Variants in DIAPH3 observed in about 807,000 individuals in gnomAD.
DIAPH3 encodes the protein protein diaphanous homolog 3.
A neutral mutation model predicts 144.3 loss-of-function variants in DIAPH3; 117 were observed. The ratio of observed to expected loss-of-function variants is 0.81; its 90% CI spans 0.70 to 0.95. DIAPH3 has a LOEUF of 0.95. Among genes scored for constraint, DIAPH3 ranks in the 40% least tolerant of loss-of-function variants. The probability of loss-of-function intolerance (pLI) is 0.00; values close to 1 mark genes in which losing one functional copy is unlikely to be tolerated. For synonymous variants in DIAPH3, 519 were observed against 488.9 expected, an observed-to-expected ratio of 1.06 and a Z score of -0.81; for missense variants, 1,421 against 1,412.7, an observed-to-expected ratio of 1.01 and a Z score of -0.09.
intron 22 of DIAPH3, among the ~76,000 whole-genome samples, chr13:59,840,581 A>G (rs1024448736): frequency 3.9e-5 from 6 of 152,154 alleles, no homozygotes; most frequent in African/African-American, 1.4e-4. Flanking sequence ...TGTACAGAAA[A>G]TAACATTTGG....
chr13:59,867,074 A>T (rs968909492), intron 21 of DIAPH3, among the ~76,000 whole-genome samples: 4 of 148,192 alleles, frequency 2.7e-5, no homozygotes, highest in Non-Finnish European at 6.0e-5. Context: ...TATATATATA[A>T]ATATTTTTAA....
chr13:60,110,371 G>A (rs1371808313), intron 3 of DIAPH3, among the ~76,000 whole-genome samples: 3 of 152,152 alleles, frequency 2.0e-5, no homozygotes, highest in Non-Finnish European at 4.4e-5. Context: ...TAATAAAAAT[G>A]TAACAGATAC....
At chr13:60,023,055 A>G (rs1754039501) in intron 5 of DIAPH3, among the ~76,000 whole-genome samples, 2 of 152,114 alleles carry the variant, frequency 1.3e-5, no homozygotes, top group Non-Finnish European at 2.9e-5. Flanking sequence ...TTCAAGCCTC[A>G]TTTTAAAAAA....
At chr13:59,801,414 T>C (rs1021602343) in intron 25 of DIAPH3, among the ~76,000 whole-genome samples, 3 of 152,230 alleles carry the variant, frequency 2.0e-5, no homozygotes. Flanking sequence ...TCATGAAAGC[T>C]AGTAATAGAA....
intron 17 of DIAPH3, among the ~76,000 whole-genome samples, chr13:59,966,150 G>C (rs2050037957): frequency 6.6e-6 from 1 of 152,058 alleles, no homozygotes; most frequent in South Asian, 2.1e-4. Context: ...CACAGGAAAA[G>C]GATTAGAGAG....
intron 27 of DIAPH3, among the ~76,000 whole-genome samples, chr13:59,709,182 T>C (rs2034590191): frequency 6.6e-6 from 1 of 152,238 alleles, no homozygotes; most frequent in Non-Finnish European, 1.5e-5. Flanking sequence ...TGTAATTTTA[T>C]AGAATCATTA....
At chr13:60,130,555 C>A (rs1279024141) in intron 2 of DIAPH3, among the ~76,000 whole-genome samples, 1 of 152,178 alleles carries the variant, frequency 6.6e-6, no homozygotes, top group Admixed American at 6.5e-5. Flanking sequence ...AAAGGCAAGA[C>A]TCTGTCTCTG....
rs372390461 is a variant in DIAPH3, at chr13:59,983,960, C to T, written c.1362-73G>A. ...TTTACATCAAAACAAAACTTTTTGG[C>T]TAAGATTGATTTCAAGTTCAACAAT... On this transcript the variant is annotated intron_variant, in intron 12 of 27. Transcript: ENST00000400324. 253 of 964,082 alleles carry T rather than the reference C, an allele frequency of 2.6e-4. No homozygotes were observed. In the African/African-American group the frequency reaches 3.5e-3, roughly 13 times the overall value. 59.7% of individuals were successfully genotyped at this position (964,082 alleles called of 1,614,324 possible). A position where few individuals can be genotyped will look rare whatever the true frequency, so the allele number is the denominator to read the frequency against.
Position 59,985,673 on chromosome 13 carries a change from C to G in DIAPH3, c.1362-1786G>C, listed in dbSNP as rs1197441556. On this transcript the variant is annotated intron_variant, in intron 12 of 27. Transcript: ENST00000400324. Reference sequence around the variant, plus strand: ...CAAAAATCACAAGCATTCTTATACACCAGCAACAGACAAACAGAGAGCCAA... The same window carrying G: ...CAAAAATCACAAGCATTCTTATACAGCAGCAACAGACAAACAGAGAGCCAA... 1.1e-4 allele frequency among the ~76,000 whole-genome samples: 7 copies of G among 63,112 alleles called. 1 individual carries two copies. Among genetic ancestry groups the G allele is most frequent in the Non-Finnish European group, 2.3e-4 (7 of 31,062 alleles). 41.4% of individuals were successfully genotyped at this position (63,112 alleles called of 152,430 possible).
intron 24 of DIAPH3, among the ~76,000 whole-genome samples, chr13:59,814,246 G>A (rs1379876770): frequency 6.6e-6 from 1 of 151,926 alleles, no homozygotes; most frequent in African/African-American, 2.4e-5. Context: ...CATTCCCATG[G>A]GTAATAAAAA....
At chr13:60,080,329 A>G (rs776853499) in intron 4 of DIAPH3, among the ~76,000 whole-genome samples, 4 of 151,922 alleles carry the variant, frequency 2.6e-5, no homozygotes, top group Non-Finnish European at 4.4e-5. Context: ...GTAACATTCT[A>G]CAATGTGTTA....
At chr13:59,857,469 T>G (rs1008697009) in intron 22 of DIAPH3, among the ~76,000 whole-genome samples, 4 of 152,084 alleles carry the variant, frequency 2.6e-5, no homozygotes. Flanking sequence ...ATGGAAAGGA[T>G]TTAAAAATCA....
chr13:59,873,711 G>A (rs2044425589), intron 21 of DIAPH3, among the ~76,000 whole-genome samples: 1 of 146,784 alleles, frequency 6.8e-6, no homozygotes, highest in African/African-American at 2.6e-5. Flanking sequence ...TTTTTACCCA[G>A]GCTGGAGTGC....
chr13:59,666,616 C>T lies in DIAPH3; in HGVS notation c.3550G>A (p.Glu1184Lys), dbSNP rs763276771. Residue 1184 changes from glutamate (E) to lysine (K), a missense_variant, in exon 28 of 28, where the codon GAA (glutamate) becomes AAA (lysine). By Grantham distance (56) the Glu-to-Lys change is moderately conservative. Coordinates refer to ENST00000400324, the MANE Select transcript of DIAPH3 (RefSeq NM_001042517.2). ...GCTCGTAATCTTGCCAGCAGGGCTTCAACTTCGGGAACTGATTCATTTTTA... is the reference window on the plus strand; with the variant it reads ...GCTCGTAATCTTGCCAGCAGGGCTTTAACTTCGGGAACTGATTCATTTTTA... ...FSKNESVPEV[E>K]ALLARLRAL The T allele has an allele frequency of 6.2e-7, 1 of 1,614,116 alleles. No homozygotes were observed. Among genetic ancestry groups the T allele is most frequent in the Non-Finnish European group, 8.5e-7 (1 of 1,179,992 alleles).
At chr13:59,812,538 C>T (rs982695661) in intron 24 of DIAPH3, among the ~76,000 whole-genome samples, 35 of 152,100 alleles carry the variant, frequency 2.3e-4, no homozygotes, top group Middle Eastern at 3.4e-3. Context: ...ATAAGAGTGC[C>T]GTGATAGCAT....
chr13:60,126,516 G>C (rs6562073), intron 2 of DIAPH3, among the ~76,000 whole-genome samples: 1 of 152,014 alleles, frequency 6.6e-6, no homozygotes, highest in South Asian at 2.1e-4. Flanking sequence ...AAATCACAGT[G>C]GGAGACTTCG....
intron 27 of DIAPH3, among the ~76,000 whole-genome samples, chr13:59,707,643 T>A (rs1471525664): frequency 6.6e-6 from 1 of 152,164 alleles, no homozygotes; most frequent in Non-Finnish European, 1.5e-5. Flanking sequence ...AAATATACTG[T>A]ACGATTCGAA....
chr13:59,670,294 A>C (rs561996697), intron 27 of DIAPH3, among the ~76,000 whole-genome samples: 10 of 143,436 alleles, frequency 7.0e-5, no homozygotes. Flanking sequence ...AATAAAAAAG[A>C]AAAGTGCACA....
intron 3 of DIAPH3, among the ~76,000 whole-genome samples, chr13:60,105,592 G>A (rs2058394743): frequency 6.6e-6 from 1 of 151,998 alleles, no homozygotes; most frequent in East Asian, 1.9e-4. Flanking sequence ...TTCATTATTT[G>A]GATTGCTTTT....
Sources: gnomAD v4.1 joint callset for allele counts (sites outside exome capture counted in the v4.1 genomes callset) on GRCh38, gnomAD v4.1.1 for gene constraint, MANE v1.5 for transcripts, NCBI Gene and HGNC (gene_info 2026-07-23, HGNC 2026-07-21) for gene names.